The following BIRC2 variants were observed in gnomAD, a reference collection of about 807,000 sequenced individuals.
The protein encoded by BIRC2 is baculoviral IAP repeat containing 2.
Under a neutral mutation model 60.9 loss-of-function variants are expected in BIRC2, and 18 were observed. The ratio of observed to expected loss-of-function variants is 0.30; its 90% CI spans 0.20 to 0.44. The LOEUF (loss-of-function observed/expected upper bound fraction) is 0.44, where lower values mean the gene tolerates loss of function less well. Ranked by LOEUF, BIRC2 falls within the 20% of genes least tolerant of loss-of-function variation. BIRC2 has a pLI of 1.00. For synonymous variants in BIRC2, 282 were observed against 247.7 expected (o/e 1.14, Z -1.30); for missense variants, 701 against 728.5 (o/e 0.96, Z 0.43).
At chr11:102,347,930 G>A (rs1951310932) in intron 1 of BIRC2, 1 of 152,152 alleles carries the variant, frequency 6.6e-6, no homozygotes, top group Non-Finnish European at 1.5e-5. Flanking sequence ...CAGCAGTGCG[G>A]TGCACGTAGA....
chr11:102,372,419 G>C (rs953070249), intron 6 of BIRC2, among the ~76,000 whole-genome samples: 1 of 152,064 alleles, frequency 6.6e-6, no homozygotes, highest in African/African-American at 2.4e-5. Flanking sequence ...CCTTCATTTC[G>C]TTATGTACCC....
intron 3 of BIRC2, chr11:102,362,625 A>G (rs940421158): frequency 4.9e-5 from 15 of 304,568 alleles, no homozygotes; most frequent in Admixed American, 1.3e-4. Flanking sequence ...TCAGGAGTCA[A>G]CTTGTTCCCC....
intron 3 of BIRC2, among the ~76,000 whole-genome samples, chr11:102,353,352 G>T (rs75102006): frequency 1.6e-3 from 243 of 152,100 alleles, no homozygotes; most frequent in African/African-American, 5.6e-3. Context: ...TTGAGACAGT[G>T]TCTCATTCCA....
At chr11:102,352,718 A>G (rs1591533238) in intron 3 of BIRC2, among the ~76,000 whole-genome samples, 1 of 152,200 alleles carries the variant, frequency 6.6e-6, no homozygotes, top group Admixed American at 6.5e-5. Context: ...GGCATGAGCC[A>G]CTGCCCCCTG....
intron 6 of BIRC2, 92 bp from the exon 7 acceptor site, chr11:102,377,404 A>G (rs1279345849): frequency 2.5e-6 from 3 of 1,176,718 alleles, no homozygotes; most frequent in Non-Finnish European, 3.5e-6. Flanking sequence ...TTTAGTGCCT[A>G]AATTGTTTGT....
intron 1 of BIRC2, chr11:102,347,886 C>T (rs1229900484): frequency 6.6e-6 from 1 of 152,180 alleles, no homozygotes; most frequent in East Asian, 1.9e-4. Flanking sequence ...TCCATCCTAT[C>T]CCCTGCCCAG....
At chr11:102,373,496 C>T (rs1179275808) in intron 6 of BIRC2, among the ~76,000 whole-genome samples, 1 of 151,776 alleles carries the variant, frequency 6.6e-6, no homozygotes, top group Non-Finnish European at 1.5e-5. Flanking sequence ...AATATTGGCC[C>T]CCACTCTCTT....
Position 102,350,301 on chromosome 11 carries a change from C to A in BIRC2, c.447C>A (p.Phe149Leu), listed in dbSNP as rs887080224. The A allele has an allele frequency of 1.9e-6, 3 of 1,614,226 alleles. No individual in the cohort carries two copies. Among genetic ancestry groups the A allele is most frequent in the South Asian group, 2.2e-5 (2 of 91,084 alleles). The change falls in exon 2 of 9, where the codon TTC becomes TTA. Residue 149 changes from phenylalanine (F) to leucine (L), a missense_variant. Coordinates refer to ENST00000227758, the MANE Select transcript of BIRC2 (RefSeq NM_001166.5). ...LSPTLEHSSL[F>L]SGSYSSLSPN... ...CCACCTTGGAACATAGTAGCTTGTT[C>A]AGTGGTTCTTACTCCAGCCTTTCTC...
intron 3 of BIRC2, among the ~76,000 whole-genome samples, chr11:102,360,207 TC>T (rs1951470382): frequency 6.6e-6 from 1 of 152,162 alleles, no homozygotes; most frequent in African/African-American, 2.4e-5. Flanking sequence ...CTTCATGTGA[TC>T]CACCCGCCTC....
chr11:102,363,811 C>G, intron 5 of BIRC2, 95 bp downstream of exon 5: 1 of 929,080 alleles, frequency 1.1e-6, no homozygotes, highest in Non-Finnish European at 1.6e-6. Context: ...AATCCCAACA[C>G]TTTGAGAGGC....
intron 3 of BIRC2, among the ~76,000 whole-genome samples, chr11:102,352,870 TAAA>T (rs1250456580): frequency 1.3e-5 from 2 of 152,178 alleles, no homozygotes; most frequent in South Asian, 4.1e-4. Flanking sequence ...TCAGGAAATT[TAAA>T]AAGTTTTCGT....
intron 3 of BIRC2, among the ~76,000 whole-genome samples, chr11:102,353,433 C>G (rs1338971163): frequency 1.3e-5 from 2 of 152,084 alleles, no homozygotes; most frequent in Admixed American, 6.5e-5. Context: ...GGGTTCAAGC[C>G]TCAGCCCCCC....
intron 6 of BIRC2, among the ~76,000 whole-genome samples, chr11:102,370,132 G>C (rs1435381864): frequency 6.7e-6 from 1 of 149,710 alleles, no homozygotes; most frequent in Admixed American, 6.6e-5. Flanking sequence ...TCACTCTGAT[G>C]GTAGTTTCTT....
In BIRC2 at chr11:102,349,971, G is replaced by A. The variant is rs756781770; in HGVS notation, c.117G>A (p.Met39Ile). 6.2e-7 allele frequency: 1 copy of A among 1,614,188 alleles called. No individual in the cohort carries two copies. Among genetic ancestry groups the A allele is most frequent in the Non-Finnish European group, 8.5e-7 (1 of 1,180,034 alleles). The change falls in exon 2 of 9, where the codon ATG becomes ATA. Residue 39 changes from methionine to isoleucine, a missense_variant. Met to Ile is a conservative substitution (Grantham distance 10). Coordinates refer to ENST00000227758, the MANE Select transcript of BIRC2 (RefSeq NM_001166.5). ...SDWTNSNKQK[M>I]KYDFSCELYR... ...GGACAAACAGCAACAAACAAAAAATGAAGTATGACTTTTCCTGTGAACTCT... is the reference window on the plus strand; with the variant it reads ...GGACAAACAGCAACAAACAAAAAATAAAGTATGACTTTTCCTGTGAACTCT...
At chr11:102,375,477 T>G (rs980927455) in intron 6 of BIRC2, among the ~76,000 whole-genome samples, 2 of 152,130 alleles carry the variant, frequency 1.3e-5, no homozygotes, top group African/African-American at 4.8e-5. Context: ...TGAAACAGAT[T>G]TGTGTTTAAA....
chr11:102,351,614 C>CAAAAAAAAA, intron 3 of BIRC2, among the ~76,000 whole-genome samples: 222 of 68,132 alleles, frequency 3.3e-3, no homozygotes, highest in African/African-American at 4.3e-3. Context: ...GACTCTGTCT[C>CAAAAAAAAA]AAAAAAAAAA....
chr11:102,367,824 C>G (rs1240297020), intron 5 of BIRC2, among the ~76,000 whole-genome samples: 1 of 152,134 alleles, frequency 6.6e-6, no homozygotes, highest in South Asian at 2.1e-4. Flanking sequence ...TTATGTTATT[C>G]TCTCTACCTC....
chr11:102,363,592 G>C (rs2135814019), intron 4 of BIRC2, 76 bp from the exon 5 acceptor site: 2 of 1,127,024 alleles, frequency 1.8e-6, no homozygotes, highest in East Asian at 4.8e-5. Context: ...CTTAAAGTAA[G>C]CTTATTTTAG....
chr11:102,349,794 A>G lies in BIRC2; in HGVS notation c.-61A>G. ...GATTTCTTTTTGTGGTAAAAATCTT[A>G]GTTCATGTGAAGAAATTTCATGTGA... On this transcript the variant is annotated 5_prime_UTR_variant, in exon 2 of 9. Transcript: ENST00000227758. 6.8e-7 allele frequency: 1 copy of G among 1,474,094 alleles called. No individual in the cohort carries two copies. Among genetic ancestry groups the G allele is most frequent in the African/African-American group, 1.4e-5 (1 of 70,800 alleles). 91.3% of individuals were successfully genotyped at this position (1,474,094 alleles called of 1,614,324 possible).
Sources: gnomAD v4.1 joint callset for allele counts (sites outside exome capture counted in the v4.1 genomes callset) on GRCh38, gnomAD v4.1.1 for gene constraint, MANE v1.5 for transcripts, NCBI Gene and HGNC (gene_info 2026-07-23, HGNC 2026-07-21) for gene names.